CFAP46: variants seen among roughly 807,000 people sequenced by gnomAD.
CFAP46 encodes the protein cilia and flagella associated protein 46.
A neutral mutation model predicts 325.7 loss-of-function variants in CFAP46; 245 were observed. The ratio of observed to expected loss-of-function variants is 0.75; its 90% CI spans 0.68 to 0.84. The LOEUF is 0.84. CFAP46 is among the 40% of genes least tolerant of loss of function. The pLI is 0.00. For synonymous variants in CFAP46, 1,523 were observed against 1,495.9 expected, an observed-to-expected ratio of 1.02 and a Z score of -0.42; for missense variants, 3,346 against 3,543.0, an observed-to-expected ratio of 0.94 and a Z score of 1.41.
At chr10:132,834,219 G>T (rs1848200158) in intron 48 of CFAP46, 96 bp from the exon 49 acceptor site, 3 of 1,120,380 alleles carry the variant, frequency 2.7e-6, no homozygotes, top group Admixed American at 1.9e-5. Flanking sequence ...CTCTAAGGCA[G>T]CAGCACCACG....
chr10:132,883,208 C>T (rs931375330), intron 27 of CFAP46, among the ~76,000 whole-genome samples: 2 of 152,132 alleles, frequency 1.3e-5, no homozygotes, highest in Non-Finnish European at 2.9e-5. Flanking sequence ...GCTCACAGAA[C>T]GAGAAAGGGT....
rs1022423661 is a variant in CFAP46, at chr10:132,859,205, G to A, written c.5241C>T (p.Val1747=). The part of the protein sequence containing the change: ...LRVRVAQHSA[V]TEPTECSLLL... ...GCAACGAGCACTCTGTGGGTTCAGT[G>A]ACCGCTGAGTGCTGCGCAACTCTGA... Residue 1747 remains valine (V), a synonymous_variant, in exon 38 of 58, where the codon GTC becomes GTT. Transcript: ENST00000368586. 36 of 1,550,168 alleles carry A rather than the reference G, an allele frequency of 2.3e-5. No individual in the cohort carries two copies. The African/African-American group carries it at 4.4e-4, about 19-fold the overall frequency.
At chr10:132,935,923 C>A in intron 7 of CFAP46, among the ~76,000 whole-genome samples, 1 of 132,124 alleles carries the variant, frequency 7.6e-6, no homozygotes, top group East Asian at 2.4e-4. Flanking sequence ...ACACTGTGAT[C>A]TCCTCACTCC....
Position 132,872,691 on chromosome 10 carries a change from T to A in CFAP46, c.4496A>T (p.Asp1499Val). 1 of 1,550,614 alleles carries A rather than the reference T, an allele frequency of 6.4e-7. No individual in the cohort carries two copies. Among genetic ancestry groups the A allele is most frequent in the Non-Finnish European group, 8.7e-7 (1 of 1,147,012 alleles). Residue 1499 changes from aspartate to valine, a missense_variant, in exon 32 of 58, where the codon GAT becomes GTT. Coordinates refer to ENST00000368586, the MANE Select transcript of CFAP46 (RefSeq NM_001200049.3). ...CTGTACCCACCGAAGGTGGTAGAGA[T>A]CCGACAGGCCCTTGCTTCCCACCAC... ...DSVVGSKGLS[D>V]LYHLRLAHAC...
chr10:132,828,946 G>A lies in CFAP46; in HGVS notation c.7117+4412C>T, dbSNP rs1038194274. Among the ~76,000 whole-genome samples, 3 of 151,904 alleles carry A rather than the reference G, an allele frequency of 2.0e-5. No homozygotes were observed. The highest frequency in any genetic ancestry group is 2.9e-5 in the Non-Finnish European group (2 of 68,012). ...CCTGGGTCTACACGGCTACCGTCACGCCTGCGCTCCACTGTATCAATACTG... is the reference window on the plus strand; with the variant it reads ...CCTGGGTCTACACGGCTACCGTCACACCTGCGCTCCACTGTATCAATACTG... On this transcript the variant is annotated intron_variant, in intron 50 of 57. Coordinates refer to ENST00000368586, the MANE Select transcript of CFAP46 (RefSeq NM_001200049.3). This position sits in a 1 kb window ranked among gnomAD's most constrained non-coding sequence, Gnocchi z 4.9.
Position 132,922,615 on chromosome 10 carries a change from C to G in CFAP46, c.1350G>C (p.Arg450=), listed in dbSNP as rs1474143676. ...CCAGGCTGTCCAGGCGCGCGGCTTT[C>G]CGGAGGTGCTCCGTGGCGGGCTCCA... The part of the protein sequence containing the change: ...DRLEPATEHL[R]KAARLDSLGL... Residue 450 remains arginine, a synonymous_variant, in exon 12 of 58, where the codon CGG becomes CGC. Transcript: ENST00000368586. The G allele has an allele frequency of 1.3e-6, 2 of 1,549,556 alleles. No individual in the cohort carries two copies. The highest frequency in any genetic ancestry group is 1.7e-6 in the Non-Finnish European group (2 of 1,146,858).
At chr10:132,846,564 C>A (rs1019627003) in intron 43 of CFAP46, among the ~76,000 whole-genome samples, 1 of 151,102 alleles carries the variant, frequency 6.6e-6, no homozygotes, top group Admixed American at 6.6e-5. Context: ...CCGTGTCTGC[C>A]CGATCCTCTG....
At chr10:132,863,730 TC>T (rs1848757536) in intron 35 of CFAP46, among the ~76,000 whole-genome samples, 1 of 132,990 alleles carries the variant, frequency 7.5e-6, no homozygotes, top group Non-Finnish European at 1.6e-5. Flanking sequence ...CACTCACCTG[TC>T]CCCCTTCCTG....
At chr10:132,897,463 G>A (rs1358605854) in intron 24 of CFAP46, among the ~76,000 whole-genome samples, 2 of 152,208 alleles carry the variant, frequency 1.3e-5, no homozygotes, top group East Asian at 1.9e-4. Context: ...AGGCCCCGCC[G>A]CACACCGCAG....
chr10:132,851,946 C>T (rs935751551), intron 39 of CFAP46, among the ~76,000 whole-genome samples: 3 of 151,148 alleles, frequency 2.0e-5, no homozygotes, highest in Non-Finnish European at 2.9e-5. Context: ...GATCCACAGA[C>T]GTGGTATGTT....
chr10:132,811,652 G>C (rs1007451949), intron 55 of CFAP46, among the ~76,000 whole-genome samples: 2 of 152,222 alleles, frequency 1.3e-5, no homozygotes, highest in African/African-American at 4.8e-5. Context: ...GTCCAGCTGC[G>C]TGAGGCCGAG....
chr10:132,827,977 G>A lies in CFAP46; in HGVS notation c.7117+5381C>T, dbSNP rs566228969. ...TGAGTGAGCCCCGTCACCCCTCAGC[G>A]TAATCCTTCTGAGCCCCGTCTACGC... On this transcript the variant is annotated intron_variant, in intron 50 of 57. Coordinates refer to ENST00000368586, the MANE Select transcript of CFAP46 (RefSeq NM_001200049.3). The surrounding 1 kb of genome is among the most constrained non-coding windows in gnomAD (Gnocchi z 5.7). 1.1e-4 allele frequency among the ~76,000 whole-genome samples: 17 copies of A among 151,544 alleles called. No homozygotes were observed. The highest frequency in any genetic ancestry group is 2.2e-4 in the South Asian group (1 of 4,556).
chr10:132,908,900 G>A (rs564353301), intron 21 of CFAP46, among the ~76,000 whole-genome samples: 1 of 152,354 alleles, frequency 6.6e-6, no homozygotes, highest in African/African-American at 2.4e-5. Flanking sequence ...AGGGTTGGGT[G>A]GGAATGGAGG....
At chr10:132,922,257 C>G (rs761995293) in intron 12 of CFAP46, 33 bp from the exon 13 acceptor site, 33 of 1,537,938 alleles carry the variant, frequency 2.1e-5, no homozygotes, top group Non-Finnish European at 2.8e-5. Flanking sequence ...AGCAAGGGGC[C>G]GCTGGACTTT....
intron 24 of CFAP46, among the ~76,000 whole-genome samples, chr10:132,892,723 G>A (rs577194305): frequency 2.6e-4 from 39 of 152,288 alleles, no homozygotes; most frequent in African/African-American, 7.5e-4. Flanking sequence ...TGGAGTGCAC[G>A]TTCAGCGCCG....
Position 132,910,018 on chromosome 10 carries a change from C to T in CFAP46, c.2550G>A (p.Thr850=), listed in dbSNP as rs765094195. ...GCTGCTGCCGGGTGCCGGTGGGCAC[C>T]GTCTCCTCGGGCGCACTCCCATTGG... ...NLTNGSAPEE[T]VPTGTRQQLI... The change falls in exon 20 of 58, where the codon ACG becomes ACA. Residue 850 remains threonine (T), a synonymous_variant. Coordinates refer to ENST00000368586, the MANE Select transcript of CFAP46 (RefSeq NM_001200049.3). The T allele has an allele frequency of 7.1e-6, 11 of 1,540,930 alleles. No individual in the cohort carries two copies. Among genetic ancestry groups the T allele is most frequent in the African/African-American group, 2.8e-5 (2 of 72,408 alleles).
intron 44 of CFAP46, among the ~76,000 whole-genome samples, chr10:132,844,493 T>C (rs1848401722): frequency 6.6e-6 from 1 of 152,206 alleles, no homozygotes; most frequent in Admixed American, 6.5e-5. Context: ...GTGGGCCTGC[T>C]GTGGTCTACG....
chr10:132,860,770 C>T lies in CFAP46; in HGVS notation c.5091+12G>A, dbSNP rs551523908. 542 of 1,550,118 alleles carry T rather than the reference C, an allele frequency of 3.5e-4. 4 individuals are homozygous for T. In the South Asian group the frequency reaches 5.2e-3, roughly 15 times the overall value. ...CACCCGACATGCAGCCCCAGGTCCC[C>T]GTGCCTCTTACCGTAGCTTCCCTTC... On this transcript the variant is annotated intron_variant, in intron 36 of 57. Coordinates refer to ENST00000368586, the MANE Select transcript of CFAP46 (RefSeq NM_001200049.3).
chr10:132,846,192 C>T lies in CFAP46; in HGVS notation c.6303G>A (p.Leu2101=). ...CSASETMRDV[L]LAATANTSSS... is the part of the protein sequence containing the mutation. ...TGCTGGTGTTGGCTGTGGCTGCAAG[C>T]AGGACATCCCTCATCGTCTCTGAGG... The change falls in exon 44 of 58, where the codon CTG becomes CTA. Residue 2101 remains leucine (L), a synonymous_variant. Transcript: ENST00000368586. 6.2e-7 allele frequency: 1 copy of T among 1,612,104 alleles called. No homozygotes were observed. Among genetic ancestry groups the T allele is most frequent in the Middle Eastern group, 1.7e-4 (1 of 5,742 alleles).
Sources: gnomAD v4.1 joint callset for allele counts (sites outside exome capture counted in the v4.1 genomes callset) on GRCh38, gnomAD v4.1.1 for gene constraint, Gnocchi (gnomAD v3.1) non-coding constraint, MANE v1.5 for transcripts, NCBI Gene and HGNC (gene_info 2026-07-23, HGNC 2026-07-21) for gene names.